Variants in VEPH1 observed in about 807,000 individuals in gnomAD.
The protein encoded by VEPH1 is ventricular zone expressed PH domain containing 1.
A neutral mutation model predicts 85.2 loss-of-function variants in VEPH1; 80 were observed. That is an observed-to-expected ratio of 0.94 (90% confidence interval 0.78 to 1.13). VEPH1 has a LOEUF of 1.13. Ranked by LOEUF, VEPH1 falls within the 50% of genes most tolerant of loss-of-function variation. VEPH1 has a pLI of 0.00. For missense variants in VEPH1, 955 were observed against 980.5 expected (o/e 0.97, Z 0.35); for synonymous variants, 297 against 348.0 (o/e 0.85, Z 1.63).
chr3:157,353,567 CA>C, intron 9 of VEPH1, among the ~76,000 whole-genome samples: 1 of 151,992 alleles, frequency 6.6e-6, no homozygotes, highest in East Asian at 1.9e-4. Flanking sequence ...CACTCAGCCC[CA>C]GTGTGATTCT....
At chr3:157,452,253 C>T (rs1472390772) in intron 4 of VEPH1, among the ~76,000 whole-genome samples, 2 of 152,128 alleles carry the variant, frequency 1.3e-5, no homozygotes, top group African/African-American at 4.8e-5. Flanking sequence ...AACAAGTCAT[C>T]ATCTGCTGAG....
intron 11 of VEPH1, among the ~76,000 whole-genome samples, chr3:157,313,300 C>A (rs1009959695): frequency 2.6e-5 from 4 of 151,998 alleles, no homozygotes; most frequent in Admixed American, 1.3e-4. Flanking sequence ...TCCTGAGTAG[C>A]TGGGATTACA....
chr3:157,308,169 T>A (rs1159037527), intron 11 of VEPH1, among the ~76,000 whole-genome samples: 1 of 127,670 alleles, frequency 7.8e-6, no homozygotes, highest in Non-Finnish European at 1.8e-5. Context: ...CTCATCTCTA[T>A]CTCTTTCTCT....
chr3:157,345,422 T>C (rs1724102704), intron 9 of VEPH1, among the ~76,000 whole-genome samples: 1 of 152,158 alleles, frequency 6.6e-6, no homozygotes. Flanking sequence ...AACAGACACA[T>C]GGAAAAATGT....
chr3:157,430,350 T>A (rs1367951927), intron 4 of VEPH1, among the ~76,000 whole-genome samples: 1 of 152,200 alleles, frequency 6.6e-6, no homozygotes, highest in African/African-American at 2.4e-5. Flanking sequence ...TCGCAACATA[T>A]TTTTTTCCTA....
intron 11 of VEPH1, among the ~76,000 whole-genome samples, chr3:157,296,530 G>C (rs1489974782): frequency 2.0e-5 from 3 of 152,196 alleles, no homozygotes. Flanking sequence ...TCTCTTGTTA[G>C]AAGGCTCCAT....
chr3:157,387,030 T>C (rs561876943), intron 6 of VEPH1, among the ~76,000 whole-genome samples: 7 of 152,334 alleles, frequency 4.6e-5, no homozygotes, highest in Non-Finnish European at 1.0e-4. Flanking sequence ...CAGTAAATAT[T>C]TCCAGTTTAG....
rs143015601 is a variant in VEPH1, at chr3:157,378,446, G to T, written c.1127+2710C>A. 3.1e-3 allele frequency among the ~76,000 whole-genome samples: 464 copies of T among 150,008 alleles called. 1 individual carries two copies. Among genetic ancestry groups the T allele is most frequent in the African/African-American group, 0.011 (444 of 40,672 alleles). ...CATTTTTGGTTGTCACAATTGAAAG[G>T]GGGTGCTTCTTCTATCATCTAGTGG... On this transcript the variant is annotated intron_variant, in intron 7 of 13. Transcript: ENST00000362010.
chr3:157,429,236 T>G (rs1030911764), intron 4 of VEPH1, among the ~76,000 whole-genome samples: 1 of 152,210 alleles, frequency 6.6e-6, no homozygotes, highest in Non-Finnish European at 1.5e-5. Context: ...CACAAGTACT[T>G]AAATGTCTCA....
intron 9 of VEPH1, among the ~76,000 whole-genome samples, chr3:157,331,805 G>T (rs1722533361): frequency 6.6e-6 from 1 of 152,178 alleles, no homozygotes; most frequent in African/African-American, 2.4e-5. Flanking sequence ...TATCAACATT[G>T]TTCTGAGAGC....
At chr3:157,422,681 T>C (rs1732436214) in intron 5 of VEPH1, among the ~76,000 whole-genome samples, 1 of 152,200 alleles carries the variant, frequency 6.6e-6, no homozygotes, top group African/African-American at 2.4e-5. Flanking sequence ...CTTTCCAAAA[T>C]TGGTTCTCTC....
intron 12 of VEPH1, among the ~76,000 whole-genome samples, chr3:157,269,642 G>GT (rs11408861): frequency 0.29 from 33,867 of 115,290 alleles, 5,345 homozygotes; most frequent in Admixed American, 0.44. Flanking sequence ...TGTTTTTGTT[G>GT]TTTTTTTTTT....
At chr3:157,261,546 T>C (rs1712904362) in intron 13 of VEPH1, among the ~76,000 whole-genome samples, 176 bp from the exon 14 acceptor site, 1 of 152,104 alleles carries the variant, frequency 6.6e-6, no homozygotes. Context: ...GAGTGAGCAA[T>C]TGGGCCTTTG....
chr3:157,437,780 G>A lies in VEPH1; in HGVS notation c.530-9292C>T. ...CGCGACGCGGGCCGCAGGCTGGCGC[G>A]TATGGAGGGCGCGGAGGCGCAGCGC... On this transcript the variant is annotated intron_variant, in intron 4 of 13. Coordinates refer to ENST00000362010, the MANE Select transcript of VEPH1 (RefSeq NM_001167912.2). The A allele has an allele frequency of 6.8e-7, 1 of 1,475,572 alleles. No individual in the cohort carries two copies. The highest frequency in any genetic ancestry group is 8.9e-7 in the Non-Finnish European group (1 of 1,124,928). The allele number at this position is 1,475,572 out of a possible 1,614,324, so 91.4% of individuals were successfully genotyped here.
intron 11 of VEPH1, among the ~76,000 whole-genome samples, chr3:157,313,146 C>T (rs1720317354): frequency 2.6e-5 from 4 of 151,838 alleles, no homozygotes; most frequent in African/African-American, 9.7e-5. Context: ...CCTCGTGATC[C>T]GCCCGCCTCG....
chr3:157,320,112 GATGAATGAATGA>G (rs1404656371), intron 9 of VEPH1, among the ~76,000 whole-genome samples: 1 of 152,080 alleles, frequency 6.6e-6, no homozygotes, highest in Non-Finnish European at 1.5e-5. Context: ...ATTGTTGTTG[GATGAATGAATGA>G]ATGGATGAGT....
At chr3:157,286,333 C>T in intron 12 of VEPH1, 1 of 531,474 alleles carries the variant, frequency 1.9e-6, no homozygotes, top group Non-Finnish European at 3.4e-6. Flanking sequence ...CCTTGATAAC[C>T]ACATATAGGT....
intron 9 of VEPH1, among the ~76,000 whole-genome samples, chr3:157,346,023 C>T: frequency 7.4e-6 from 1 of 135,064 alleles, no homozygotes; most frequent in African/African-American, 2.8e-5. Flanking sequence ...ACACCCGGGC[C>T]TGTCGTGGGG....
chr3:157,279,731 A>G (rs996313877), intron 12 of VEPH1, among the ~76,000 whole-genome samples: 2 of 152,142 alleles, frequency 1.3e-5, no homozygotes, highest in Admixed American at 6.5e-5. Flanking sequence ...AAGTACCAGT[A>G]TGTCAGTTGG....
Sources: allele counts gnomAD v4.1 joint callset (sites outside exome capture counted in the v4.1 genomes callset), GRCh38; gene constraint gnomAD v4.1.1; transcripts MANE v1.5; gene names NCBI Gene and HGNC (gene_info 2026-07-23, HGNC 2026-07-21).